Variants in LRMDA observed in about 807,000 individuals in gnomAD.
LRMDA encodes leucine-rich melanocyte differentiation-associated protein.
Under a neutral mutation model 29.8 loss-of-function variants are expected in LRMDA, and 18 were observed. That is an observed-to-expected ratio of 0.60 (90% CI 0.42 to 0.90). The LOEUF (loss-of-function observed/expected upper bound fraction) is 0.90. LRMDA is among the 40% of genes least tolerant of loss of function. The pLI is 0.00. For missense variants in LRMDA, 273 were observed against 273.9 expected (o/e 1.00, Z 0.02); for synonymous variants, 125 against 109.4 (o/e 1.14, Z -0.89).
chr10:76,051,807 G>A (rs1050210019), intron 4 of LRMDA, among the ~76,000 whole-genome samples: 1 of 152,150 alleles, frequency 6.6e-6, no homozygotes, highest in Non-Finnish European at 1.5e-5. Context: ...CAAGAGTCTG[G>A]CCTCTTTCAC....
chr10:76,050,122 A>T (rs1261127423), intron 4 of LRMDA, among the ~76,000 whole-genome samples: 1 of 152,214 alleles, frequency 6.6e-6, no homozygotes, highest in Non-Finnish European at 1.5e-5. Flanking sequence ...CATCAAAACA[A>T]GTGTGTCTGT....
chr10:76,423,884 A>AT (rs1842095936), intron 6 of LRMDA, among the ~76,000 whole-genome samples: 3 of 152,122 alleles, frequency 2.0e-5, no homozygotes, highest in Non-Finnish European at 4.4e-5. Context: ...CCAAGGGGTG[A>AT]GGGGAGGTGT....
intron 5 of LRMDA, among the ~76,000 whole-genome samples, chr10:76,067,150 A>G (rs1161024303): frequency 6.6e-6 from 1 of 152,220 alleles, no homozygotes; most frequent in East Asian, 1.9e-4. Flanking sequence ...TCCCCCTTAA[A>G]GGGAGTTCAC....
At chr10:76,543,652 A>T (rs1427449464) in intron 6 of LRMDA, among the ~76,000 whole-genome samples, 1 of 152,110 alleles carries the variant, frequency 6.6e-6, no homozygotes, top group African/African-American at 2.4e-5. Flanking sequence ...TGGGCAAAGA[A>T]GTTGCCCCTC....
intron 2 of LRMDA, among the ~76,000 whole-genome samples, chr10:75,837,164 A>G (rs1844453077): frequency 6.6e-6 from 1 of 152,194 alleles, no homozygotes; most frequent in Non-Finnish European, 1.5e-5. Flanking sequence ...ATAAGGCTTG[A>G]AACTCTAAGC....
In LRMDA at chr10:75,868,914, A is replaced by C. The variant is rs369756941; in HGVS notation, c.132-167094A>C. Among the ~76,000 whole-genome samples, 151 of 152,322 alleles carry C rather than the reference A, an allele frequency of 9.9e-4. 3 individuals carry two copies. The South Asian group carries it at 0.026, about 26-fold the overall frequency. Reference sequence around the variant, plus strand: ...TGACCCCACCCCTGGCACACACCTTATAGAAAGGACATCCTGTCCTCCCAA... The same window carrying C: ...TGACCCCACCCCTGGCACACACCTTCTAGAAAGGACATCCTGTCCTCCCAA... On this transcript the variant is annotated intron_variant, in intron 2 of 6. Transcript: ENST00000611255.
At chr10:76,118,501 A>G (rs549018058) in intron 5 of LRMDA, among the ~76,000 whole-genome samples, 6 of 152,338 alleles carry the variant, frequency 3.9e-5, no homozygotes, top group Admixed American at 2.0e-4. Context: ...CTTAAAGGCG[A>G]AGATGAGCTA....
At chr10:75,496,157 T>G (rs1016678991) in intron 2 of LRMDA, among the ~76,000 whole-genome samples, 38 of 152,078 alleles carry the variant, frequency 2.5e-4, no homozygotes, top group African/African-American at 9.2e-4. Context: ...AATCCAGGAG[T>G]TTTAAACAGA....
At chr10:75,939,518 T>A (rs1290875059) in intron 2 of LRMDA, among the ~76,000 whole-genome samples, 1 of 152,194 alleles carries the variant, frequency 6.6e-6, no homozygotes, top group East Asian at 1.9e-4. Context: ...TAAAGGTCTG[T>A]GCTCATCTTG....
intron 2 of LRMDA, among the ~76,000 whole-genome samples, chr10:75,888,160 A>G (rs1464834439): frequency 2.0e-5 from 3 of 152,108 alleles, no homozygotes; most frequent in Non-Finnish European, 4.4e-5. Flanking sequence ...GAAGAATATG[A>G]CCAAAGGCCA....
intron 5 of LRMDA, among the ~76,000 whole-genome samples, chr10:76,129,485 A>G (rs1236112470): frequency 6.6e-6 from 1 of 152,210 alleles, no homozygotes; most frequent in Non-Finnish European, 1.5e-5. Context: ...GACAGAGCTC[A>G]TGGCAAACCT....
intron 2 of LRMDA, among the ~76,000 whole-genome samples, chr10:75,640,976 G>T (rs1841446418): frequency 6.6e-6 from 1 of 152,172 alleles, no homozygotes; most frequent in Non-Finnish European, 1.5e-5. Flanking sequence ...ACCTGTGATT[G>T]CAGGGCCCTG....
At chr10:75,843,028 CGTAA>C (rs1460360083) in intron 2 of LRMDA, among the ~76,000 whole-genome samples, 1 of 152,096 alleles carries the variant, frequency 6.6e-6, no homozygotes, top group East Asian at 1.9e-4. Flanking sequence ...CTCTAAAATA[CGTAA>C]GTAAATAAGT....
chr10:76,204,483 G>A (rs541735722), intron 5 of LRMDA, among the ~76,000 whole-genome samples: 1 of 152,336 alleles, frequency 6.6e-6, no homozygotes, highest in Admixed American at 6.5e-5. Flanking sequence ...GTGTTAAGGT[G>A]CTTAACTTCT....
rs555984430 is a variant in LRMDA at position 76,113,886 on chromosome 10, C to T, written c.516+55103C>T. Among the ~76,000 whole-genome samples, 17 of 152,344 alleles carry T rather than the reference C, an allele frequency of 1.1e-4. No individual in the cohort carries two copies. In the South Asian group the frequency reaches 2.3e-3, roughly 20 times the overall value. ...AGAGCTCAGCATTGTGCCCTCCTCT[C>T]TTCTTGTCCCTTTTTTCCTGAAGGG... On this transcript the variant is annotated intron_variant, in intron 5 of 6. Transcript: ENST00000611255.
chr10:75,520,839 C>T (rs887841928), intron 2 of LRMDA, among the ~76,000 whole-genome samples: 1 of 152,166 alleles, frequency 6.6e-6, no homozygotes. Context: ...TTGGTCTTTG[C>T]TGTTGGTGAC....
chr10:76,349,547 C>G (rs1360106276), intron 6 of LRMDA, among the ~76,000 whole-genome samples: 1 of 152,026 alleles, frequency 6.6e-6, no homozygotes, highest in Non-Finnish European at 1.5e-5. Flanking sequence ...GCTGCACTTC[C>G]TGGTTATTTG....
intron 2 of LRMDA, among the ~76,000 whole-genome samples, chr10:75,518,002 T>A (rs1845312665): frequency 6.6e-6 from 1 of 152,238 alleles, no homozygotes; most frequent in Admixed American, 6.5e-5. Context: ...GAAGTTACGT[T>A]TATTGATTCA....
At chr10:75,901,565 T>G (rs1007511636) in intron 2 of LRMDA, among the ~76,000 whole-genome samples, 1 of 152,084 alleles carries the variant, frequency 6.6e-6, no homozygotes, top group Non-Finnish European at 1.5e-5. Context: ...AACAAAGAAA[T>G]GTCATGTGAA....
Sources: gnomAD v4.1 joint callset for allele counts (sites outside exome capture counted in the v4.1 genomes callset) on GRCh38, gnomAD v4.1.1 for gene constraint, MANE v1.5 for transcripts, NCBI Gene and HGNC (gene_info 2026-07-23, HGNC 2026-07-21) for gene names.